Variants in TCF20 observed in about 807,000 individuals in gnomAD.
TCF20 encodes the protein SPRE-binding protein.
Under a neutral mutation model 148.6 loss-of-function variants are expected in TCF20, and 3 were observed. That is an observed-to-expected ratio of 0.02 (90% confidence interval 0.01 to 0.05). The LOEUF (loss-of-function observed/expected upper bound fraction) is 0.05, where lower values mean the gene tolerates loss of function less well. Among genes scored for constraint, TCF20 ranks in the 10% least tolerant of loss-of-function variants. TCF20 has a pLI of 1.00. For missense variants in TCF20, 2,350 were observed against 2,429.3 expected (o/e 0.97, Z 0.69); for synonymous variants, 1,049 against 909.5 (o/e 1.15, Z -2.76).
In TCF20 at chr22:42,214,861, C is replaced by T. The variant is rs954206647; in HGVS notation, c.445G>A (p.Val149Met). The change falls in exon 2 of 6, where the codon GTG (valine) becomes ATG (methionine). Residue 149 changes from valine to methionine, a missense_variant. Val to Met is a conservative substitution (Grantham distance 21, BLOSUM62 1). Coordinates refer to ENST00000677622, the MANE Select transcript of TCF20 (RefSeq NM_001378418.1). ...FQAQHSGLGG[V>M]SHYQQDYTGP... ...GTGTAATCCTGCTGATAATGTGACACACCGCCAAGGCCAGAGTGCTGTGCT... is the reference window on the plus strand; with the variant it reads ...GTGTAATCCTGCTGATAATGTGACATACCGCCAAGGCCAGAGTGCTGTGCT... 2 of 1,614,186 alleles carry T rather than the reference C, an allele frequency of 1.2e-6. No individual in the cohort carries two copies. The highest frequency in any genetic ancestry group is 1.7e-6 in the Non-Finnish European group (2 of 1,180,048).
Position 42,306,351 on chromosome 22 carries a change from T to C in TCF20, c.-37+37128A>G, listed in dbSNP as rs112599999. On this transcript the variant is annotated intron_variant, in intron 1 of 1. Transcript: ENST00000515426. ...CGCCCTGCCAGGCTGGGCCAGCAGC[T>C]GAGGACCTCATCTGCCTGCCAGGAG... Among the ~76,000 whole-genome samples the C allele has an allele frequency of 1.9e-3, 290 of 152,336 alleles. 1 individual carries two copies. Among genetic ancestry groups the C allele is most frequent in the African/African-American group, 6.6e-3 (274 of 41,584 alleles).
In TCF20 at chr22:42,213,099, A is replaced by G. The variant is rs752522827; in HGVS notation, c.2207T>C (p.Phe736Ser). The change falls in exon 2 of 6, where the codon TTC becomes TCC. Residue 736 changes from phenylalanine to serine, a missense_variant. Phe to Ser is a radical substitution (Grantham distance 155). This residue lies in a region of TCF20 where 1,641 missense variants were observed against 1,662.6 expected (regional missense o/e 0.99). Coordinates refer to ENST00000677622, the MANE Select transcript of TCF20 (RefSeq NM_001378418.1). ...ACCCTTTCGTTCCCCATGGCCAGTG[A>G]AATCTCCCTTTTCTTGCCCTGTAGG... ...QYPTGQEKGDFTGHGERKGRN... is the reference protein window; with the variant it reads ...QYPTGQEKGDSTGHGERKGRN... 1 of 1,614,090 alleles carries G rather than the reference A, an allele frequency of 6.2e-7. No individual in the cohort carries two copies. Among genetic ancestry groups the G allele is most frequent in the South Asian group, 1.1e-5 (1 of 91,076 alleles).
chr22:42,255,787 A>T lies in TCF20; in HGVS notation c.-37+14552T>A, dbSNP rs1476598721. On this transcript the variant is annotated intron_variant, in intron 1 of 5. Transcript: ENST00000677622. ...TTCCCACCACCATCTCTCCTCAGTC[A>T]GAACAACGCCCCCAACCATGTATTC... Among the ~76,000 whole-genome samples the T allele has an allele frequency of 2.0e-5, 3 of 151,250 alleles. No homozygotes were observed. In the East Asian group the frequency reaches 5.8e-4, roughly 29 times the overall value.
chr22:42,199,706 C>CCAA (rs564228573), intron 2 of TCF20, among the ~76,000 whole-genome samples: 2 of 33,872 alleles, frequency 5.9e-5, no homozygotes, highest in Non-Finnish European at 1.1e-4. Flanking sequence ...CCCATCTCTA[C>CCAA]AAAAAAAAAA....
intron 2 of TCF20, among the ~76,000 whole-genome samples, chr22:42,181,060 C>A (rs9620030): frequency 6.6e-6 from 1 of 152,214 alleles, no homozygotes; most frequent in African/African-American, 2.4e-5. Context: ...CACAGCATTT[C>A]TAGTAGCCCT....
At chr22:42,185,372 T>C (rs1936995614) in intron 2 of TCF20, among the ~76,000 whole-genome samples, 1 of 152,138 alleles carries the variant, frequency 6.6e-6, no homozygotes, top group African/African-American at 2.4e-5. Flanking sequence ...ATAGGCACTG[T>C]AAATGTGGGC....
rs59283483 is a variant in TCF20 at position 42,221,739 on chromosome 22, G to GTTTT, written c.-36-6402_-36-6399dup. On this transcript the variant is annotated intron_variant, in intron 1 of 5. Coordinates refer to ENST00000677622, the MANE Select transcript of TCF20 (RefSeq NM_001378418.1). ...GGGCTTATTAACCATATGGCAAAGG[G>GTTTT]TTTTTTTTTTTTTTTTTGAGACGGA... Among the ~76,000 whole-genome samples the GTTTT allele has an allele frequency of 1.9e-4, 18 of 92,806 alleles. 2 individuals carry two copies. The highest frequency in any genetic ancestry group is 7.6e-4 in the African/African-American group (15 of 19,696). The allele number at this position is 92,806 out of a possible 152,430, so 60.9% of individuals were successfully genotyped here. A position where few individuals can be genotyped will look rare whatever the true frequency, so the allele number is the denominator to read the frequency against.
chr22:42,290,009 C>T lies in TCF20; in HGVS notation c.-37+53470G>A, dbSNP rs1256043738. Among the ~76,000 whole-genome samples the T allele has an allele frequency of 3.3e-5, 5 of 152,242 alleles. No homozygotes were observed. The highest frequency in any genetic ancestry group is 5.9e-5 in the Non-Finnish European group (4 of 68,044). On this transcript the variant is annotated intron_variant, in intron 1 of 1. Transcript: ENST00000515426. The surrounding 1 kb of genome is among the most constrained non-coding windows in gnomAD (Gnocchi z 4.2). ...TAATATTCTCCTCGGCGTGTGCAGG[C>T]GGCCGGGGCGATGTTCCAGGAATAT... is the stretch of plus-strand genomic sequence containing the variant.
intron 3 of TCF20, among the ~76,000 whole-genome samples, chr22:42,175,874 T>A (rs1007246341): frequency 2.0e-5 from 3 of 152,064 alleles, no homozygotes; most frequent in African/African-American, 7.2e-5. Flanking sequence ...GTGGCCCAAC[T>A]GAGGGTCATG....
chr22:42,316,587 G>A (rs993025310), intron 1 of TCF20, among the ~76,000 whole-genome samples: 22 of 152,300 alleles, frequency 1.4e-4, no homozygotes, highest in African/African-American at 2.9e-4. Flanking sequence ...ACAGGCATGC[G>A]CCACCACGCC....
chr22:42,291,419 G>T (rs190885165), intron 1 of TCF20, among the ~76,000 whole-genome samples: 1 of 152,136 alleles, frequency 6.6e-6, no homozygotes, highest in Admixed American at 6.5e-5. Context: ...CTAGAGTCTC[G>T]ACCAGGGTAG....
chr22:42,174,856 A>T (rs1373265916), intron 3 of TCF20, among the ~76,000 whole-genome samples: 1 of 152,094 alleles, frequency 6.6e-6, no homozygotes, highest in Non-Finnish European at 1.5e-5. Flanking sequence ...TAACACGGTG[A>T]AACCCCGTCT....
intron 2 of TCF20, among the ~76,000 whole-genome samples, chr22:42,204,712 G>T (rs1379982551): frequency 6.6e-6 from 1 of 152,020 alleles, no homozygotes; most frequent in African/African-American, 2.4e-5. Flanking sequence ...AGGTGTGGTG[G>T]TGCATGACTG....
At chr22:42,335,900 C>T (rs952780379) in intron 1 of TCF20, among the ~76,000 whole-genome samples, 11 of 152,206 alleles carry the variant, frequency 7.2e-5, no homozygotes, top group African/African-American at 2.4e-4. Flanking sequence ...ACTTTACCCC[C>T]GAGGCCACCT....
At chr22:42,230,780 C>T (rs1923328711) in intron 1 of TCF20, among the ~76,000 whole-genome samples, 1 of 151,984 alleles carries the variant, frequency 6.6e-6, no homozygotes, top group Admixed American at 6.6e-5. Flanking sequence ...TTATTCTGAC[C>T]CTGTGTAGGT....
rs370015364 is a variant in TCF20 at position 42,207,390 on chromosome 22, C to T, written c.5655+2261G>A. ...TTTTTTTTCCTCTGGGAAAACTCAA[C>T]TCAGAAAAAAGACCCATATGCTGGC... is the stretch of plus-strand genomic sequence containing the variant. On this transcript the variant is annotated intron_variant, in intron 2 of 5. Transcript: ENST00000677622. Among the ~76,000 whole-genome samples, 11 of 151,890 alleles carry T rather than the reference C, an allele frequency of 7.2e-5. No individual in the cohort carries two copies. The South Asian group carries it at 1.0e-3, about 14-fold the overall frequency.
chr22:42,314,053 C>T (rs2055468243), intron 1 of TCF20, among the ~76,000 whole-genome samples: 1 of 152,238 alleles, frequency 6.6e-6, no homozygotes, highest in African/African-American at 2.4e-5. Flanking sequence ...AGAGCTGTGA[C>T]CTTTGTGCCT....
intron 2 of TCF20, among the ~76,000 whole-genome samples, chr22:42,202,659 G>A (rs1319435221): frequency 6.6e-6 from 1 of 152,234 alleles, no homozygotes; most frequent in Non-Finnish European, 1.5e-5. Context: ...AGCAAGCCTT[G>A]AGGGTCCCGC....
chr22:42,272,228 C>T (rs1601686441), upstream of TCF20, among the ~76,000 whole-genome samples: 1 of 152,202 alleles, frequency 6.6e-6, no homozygotes, highest in Admixed American at 6.5e-5. Flanking sequence ...ATTCTCAGGC[C>T]TCAAGACTTT....
Sources: allele counts gnomAD v4.1 joint callset (sites outside exome capture counted in the v4.1 genomes callset), GRCh38; gene constraint gnomAD v4.1.1; regional missense constraint gnomAD v4.1.1; non-coding constraint Gnocchi (gnomAD v3.1); transcripts MANE v1.5; gene names NCBI Gene and HGNC (gene_info 2026-07-23, HGNC 2026-07-21).